CCDC171: variants seen among roughly 807,000 people sequenced by gnomAD.
CCDC171 encodes coiled-coil domain containing 171, also known as coiled-coil domain-containing protein 171.
CCDC171 carries 177 observed loss-of-function variants against 168.2 expected under a neutral mutation model. The observed-to-expected ratio is 1.05, with a 90% CI of 0.93 to 1.19. The LOEUF is 1.19. CCDC171 is among the 50% of genes most tolerant of loss of function. CCDC171 has a pLI of 0.00. For synonymous variants in CCDC171, 687 were observed against 540.8 expected (o/e 1.27, Z -3.75); for missense variants, 1,991 against 1,539.0 (o/e 1.29, Z -4.91).
chr9:15,631,542 C>T (rs534594273), intron 7 of CCDC171, among the ~76,000 whole-genome samples: 19 of 152,168 alleles, frequency 1.2e-4, no homozygotes, highest in African/African-American at 3.6e-4. Context: ...AGCTTACCAA[C>T]CAAAAAGTCC....
At chr9:15,919,116 C>T (rs896416712) in intron 24 of CCDC171, among the ~76,000 whole-genome samples, 1 of 151,488 alleles carries the variant, frequency 6.6e-6, no homozygotes, top group East Asian at 1.9e-4. Context: ...CCACAGAAAA[C>T]CAGGATAGAA....
In CCDC171 at chr9:15,709,913, A is replaced by T. The variant is rs533116017; in HGVS notation, c.1319-11856A>T. Among the ~76,000 whole-genome samples the T allele has an allele frequency of 5.3e-5, 8 of 152,218 alleles. No homozygotes were observed. The East Asian group carries it at 1.5e-3, about 29-fold the overall frequency. ...TGTAACAAAATCTGTTGCCCTCATCACTCAGATCAACATTTATCAACTTAA... is the reference window on the plus strand; with the variant it reads ...TGTAACAAAATCTGTTGCCCTCATCTCTCAGATCAACATTTATCAACTTAA... On this transcript the variant is annotated intron_variant, in intron 11 of 25. Coordinates refer to ENST00000380701, the MANE Select transcript of CCDC171 (RefSeq NM_173550.4).
intron 18 of CCDC171, among the ~76,000 whole-genome samples, chr9:15,745,867 T>A (rs2055237220): frequency 6.6e-6 from 1 of 152,188 alleles, no homozygotes; most frequent in Non-Finnish European, 1.5e-5. Flanking sequence ...CCTTTTCTTT[T>A]TTTCTATCTG....
intron 23 of CCDC171, among the ~76,000 whole-genome samples, chr9:15,868,644 AATAGAT>A (rs1295501045): frequency 6.6e-6 from 1 of 152,078 alleles, no homozygotes; most frequent in African/African-American, 2.4e-5. Flanking sequence ...ATTGCCAGAC[AATAGAT>A]ATAAAGAAAA....
intron 6 of CCDC171, among the ~76,000 whole-genome samples, chr9:16,028,486 A>G (rs1449492509): frequency 6.6e-6 from 1 of 152,228 alleles, no homozygotes; most frequent in African/African-American, 2.4e-5. Flanking sequence ...ATGAAATATA[A>G]GACACCCATA....
intron 4 of CCDC171, among the ~76,000 whole-genome samples, chr9:15,584,811 G>C (rs276455): frequency 0.49 from 74,871 of 151,868 alleles, 19,074 homozygotes; most frequent in East Asian, 0.75. Flanking sequence ...ATAGTTACAC[G>C]ACTACCTGGA....
the CCDC171 span, among the ~76,000 whole-genome samples, chr9:16,103,328 G>C: frequency 6.6e-6 from 1 of 152,274 alleles, no homozygotes; most frequent in East Asian, 1.9e-4. Flanking sequence ...GGAGATCTGG[G>C]TTCCTTCCCC....
the CCDC171 span, among the ~76,000 whole-genome samples, chr9:16,089,676 A>G: frequency 1.3e-5 from 2 of 152,038 alleles, no homozygotes; most frequent in Admixed American, 6.5e-5. Flanking sequence ...AACTTTTGCA[A>G]TCTATCCATC....
chr9:15,772,163 A>G (rs370651835), intron 18 of CCDC171, among the ~76,000 whole-genome samples: 86 of 152,268 alleles, frequency 5.6e-4, no homozygotes, highest in African/African-American at 1.9e-3. Flanking sequence ...TCTGTAATCC[A>G]TCTTTTCCCT....
intron 11 of CCDC171, among the ~76,000 whole-genome samples, chr9:15,701,371 C>T (rs1360643934): frequency 1.3e-5 from 2 of 152,048 alleles, no homozygotes; most frequent in Non-Finnish European, 2.9e-5. Flanking sequence ...TTTGTAGTTT[C>T]AGGTCTTATG....
chr9:15,637,710 AC>A (rs1475016401), intron 7 of CCDC171, among the ~76,000 whole-genome samples: 1 of 146,648 alleles, frequency 6.8e-6, no homozygotes, highest in East Asian at 2.1e-4. Context: ...ATGAGTGAGA[AC>A]ATGCGGTGTT....
intron 24 of CCDC171, among the ~76,000 whole-genome samples, chr9:15,914,533 G>C (rs1824201337): frequency 6.6e-6 from 1 of 152,166 alleles, no homozygotes; most frequent in Admixed American, 6.5e-5. Context: ...ACTTCGGACT[G>C]CTGTGCTGGC....
intron 9 of CCDC171, among the ~76,000 whole-genome samples, chr9:15,667,517 G>A (rs1266845028): frequency 6.6e-6 from 1 of 152,026 alleles, no homozygotes; most frequent in Admixed American, 6.6e-5. Flanking sequence ...GTGGTGGCGG[G>A]CACCTGTAAT....
intron 7 of CCDC171, among the ~76,000 whole-genome samples, chr9:15,634,266 T>G (rs1056911978): frequency 2.6e-5 from 4 of 152,144 alleles, no homozygotes; most frequent in Non-Finnish European, 4.4e-5. Context: ...AAAGATATAA[T>G]TTGAATAATA....
chr9:15,566,196 T>G (rs1006767536), intron 2 of CCDC171, among the ~76,000 whole-genome samples: 2 of 114,472 alleles, frequency 1.7e-5, no homozygotes, highest in African/African-American at 5.9e-5. Flanking sequence ...TTAAATTGTG[T>G]TTTTTTTTTT....
chr9:15,969,424 G>C (rs1239067199), intron 25 of CCDC171, among the ~76,000 whole-genome samples: 1 of 152,156 alleles, frequency 6.6e-6, no homozygotes, highest in East Asian at 1.9e-4. Context: ...ATAAGTTTGA[G>C]TAAATTATGC....
Position 15,788,293 on chromosome 9 carries a change from T to G in CCDC171, c.3267+3599T>G, listed in dbSNP as rs117843538. On this transcript the variant is annotated intron_variant, in intron 21 of 25. Coordinates refer to ENST00000380701, the MANE Select transcript of CCDC171 (RefSeq NM_173550.4). ...CTGCAGAAATAAGGATAATGATACT[T>G]AAGTTACAGGATGTTTATGAGAATG... Among the ~76,000 whole-genome samples the G allele has an allele frequency of 1.1e-3, 174 of 152,352 alleles. 5 individuals carry two copies. The East Asian group carries it at 0.032, about 28-fold the overall frequency.
In CCDC171 at chr9:15,961,946, C is replaced by G. The variant is rs1011477058; in HGVS notation, c.3754-9663C>G. Among the ~76,000 whole-genome samples the G allele has an allele frequency of 3.9e-5, 6 of 152,216 alleles. No individual in the cohort carries two copies. The South Asian group carries it at 1.2e-3, about 32-fold the overall frequency. ...TAGTCTTGCCCTAGGGTCAGCAAAT[C>G]TACATGCCACCTGTTTTTGTATGGC... On this transcript the variant is annotated intron_variant, in intron 25 of 25. Coordinates refer to ENST00000380701, the MANE Select transcript of CCDC171 (RefSeq NM_173550.4).
At chr9:15,599,287 T>C (rs898237778) in intron 6 of CCDC171, among the ~76,000 whole-genome samples, 16 of 152,304 alleles carry the variant, frequency 1.1e-4, no homozygotes, top group African/African-American at 3.9e-4. Context: ...TGGCTGTTAT[T>C]GGTTGTTCCT....
Sources: allele counts gnomAD v4.1 joint callset (sites outside exome capture counted in the v4.1 genomes callset), GRCh38; gene constraint gnomAD v4.1.1; transcripts MANE v1.5; gene names NCBI Gene and HGNC (gene_info 2026-07-23, HGNC 2026-07-21).